SSBP3: variants seen among roughly 807,000 people sequenced by gnomAD.
The protein encoded by SSBP3 is single-stranded DNA-binding protein 3.
Under a neutral mutation model 69.6 loss-of-function variants are expected in SSBP3, and 5 were observed. The ratio of observed to expected loss-of-function variants is 0.07; its 90% CI spans 0.04 to 0.15. The LOEUF (loss-of-function observed/expected upper bound fraction) is 0.15, where lower values mean the gene tolerates loss of function less well. SSBP3 is among the 10% of genes least tolerant of loss of function. The pLI is 1.00. For missense variants in SSBP3, 312 were observed against 534.0 expected (o/e 0.58, Z 4.10); for synonymous variants, 196 against 193.4 (o/e 1.01, Z -0.11).
intron 7 of SSBP3, among the ~76,000 whole-genome samples, chr1:54,254,141 C>T (rs1052136352): frequency 4.6e-5 from 7 of 152,230 alleles, no homozygotes; most frequent in South Asian, 2.1e-4. Flanking sequence ...CATAATTACA[C>T]GCTGTGCACA....
At chr1:54,353,164 G>A (rs1646809756) in intron 4 of SSBP3, among the ~76,000 whole-genome samples, 1 of 152,184 alleles carries the variant, frequency 6.6e-6, no homozygotes, top group African/African-American at 2.4e-5. Context: ...ACTCTCAGAG[G>A]GCCCCAGCCA....
chr1:54,331,233 A>G (rs931358350), intron 4 of SSBP3, among the ~76,000 whole-genome samples: 1 of 152,158 alleles, frequency 6.6e-6, no homozygotes, highest in Non-Finnish European at 1.5e-5. Flanking sequence ...GTCACTCAGT[A>G]TTACAGAAGT....
At chr1:54,377,726 T>C (rs2100706894) in intron 4 of SSBP3, among the ~76,000 whole-genome samples, 1 of 152,264 alleles carries the variant, frequency 6.6e-6, no homozygotes, top group East Asian at 1.9e-4. Flanking sequence ...ATAATATATG[T>C]CAAACAACTT....
chr1:54,340,826 A>C (rs1181029008), intron 4 of SSBP3, among the ~76,000 whole-genome samples: 1 of 152,222 alleles, frequency 6.6e-6, no homozygotes, highest in East Asian at 1.9e-4. Flanking sequence ...TCCTACAAGT[A>C]GGTACAGCCC....
intron 4 of SSBP3, among the ~76,000 whole-genome samples, chr1:54,343,451 G>A (rs528680466): frequency 1.5e-4 from 23 of 152,258 alleles, no homozygotes; most frequent in African/African-American, 4.6e-4. Flanking sequence ...CAAACCACAC[G>A]GTGACTATCA....
At chr1:54,368,522 C>T (rs1227152333) in intron 4 of SSBP3, among the ~76,000 whole-genome samples, 2 of 151,976 alleles carry the variant, frequency 1.3e-5, no homozygotes, top group African/African-American at 2.4e-5. Context: ...CATTACCTGC[C>T]TGAAGCATTT....
chr1:54,349,815 TTCCTC>T (rs763084651), intron 4 of SSBP3, among the ~76,000 whole-genome samples: 5 of 152,216 alleles, frequency 3.3e-5, no homozygotes, highest in Non-Finnish European at 5.9e-5. Flanking sequence ...TCTTTTAACT[TTCCTC>T]TCCTCTCCTC....
chr1:54,241,484 C>G, exon 12 of SSBP3: 1 of 1,614,124 alleles, frequency 6.2e-7, no homozygotes, highest in Non-Finnish European at 8.5e-7. Context: ...CACATAGGTA[C>G]CAGGTGATGA....
At chr1:54,291,708 A>C (rs896907900) in intron 4 of SSBP3, among the ~76,000 whole-genome samples, 1 of 152,194 alleles carries the variant, frequency 6.6e-6, no homozygotes, top group African/African-American at 2.4e-5. Flanking sequence ...GCCTGCTCAG[A>C]GGGTTTAGCA....
chr1:54,330,505 G>A (rs1646390574), intron 4 of SSBP3, among the ~76,000 whole-genome samples: 1 of 152,196 alleles, frequency 6.6e-6, no homozygotes, highest in Non-Finnish European at 1.5e-5. Flanking sequence ...CCACCGCCTA[G>A]CAGTCCCTGG....
rs188780744 is a variant in SSBP3, at chr1:54,391,200, G to T, written c.276+10661C>A. Reference sequence around the variant, plus strand: ...ACATCTGAAACAGCCTTCTCAAAGGGGACCACAACTCACAAAGCATTTTCA... The same window carrying T: ...ACATCTGAAACAGCCTTCTCAAAGGTGACCACAACTCACAAAGCATTTTCA... On this transcript the variant is annotated intron_variant, in intron 4 of 17. Coordinates refer to ENST00000610401, the Ensembl canonical transcript of SSBP3. Among the ~76,000 whole-genome samples the T allele has an allele frequency of 8.5e-5, 13 of 152,240 alleles. No homozygotes were observed. In the East Asian group the frequency reaches 1.7e-3, roughly 20 times the overall value.
At chr1:54,302,264 G>A (rs1377794716) in intron 4 of SSBP3, among the ~76,000 whole-genome samples, 1 of 151,698 alleles carries the variant, frequency 6.6e-6, no homozygotes, top group Non-Finnish European at 1.5e-5. Context: ...GCAAGGCTGT[G>A]CAAAATGTAT....
At chr1:54,294,704 T>G (rs1645673833) in intron 4 of SSBP3, among the ~76,000 whole-genome samples, 1 of 152,080 alleles carries the variant, frequency 6.6e-6, no homozygotes, top group Non-Finnish European at 1.5e-5. Flanking sequence ...CAGCCTCCCT[T>G]CCATCTCCAA....
rs575878594 is a variant in SSBP3, at chr1:54,334,734, G to A, written c.277-53207C>T. ...CAATAACAACATCATCTTTCTCCTT[G>A]CGGACATGATACCTGTGCAGTGAGC... On this transcript the variant is annotated intron_variant, in intron 4 of 17. Transcript: ENST00000610401. Among the ~76,000 whole-genome samples the A allele has an allele frequency of 2.0e-5, 3 of 152,274 alleles. No homozygotes were observed. In the South Asian group the frequency reaches 6.2e-4, roughly 32 times the overall value.
chr1:54,237,849 C>T (rs981123913), intron 14 of SSBP3: 8 of 321,410 alleles, frequency 2.5e-5, no homozygotes, highest in African/African-American at 4.3e-5. Context: ...GGAGTTGCAG[C>T]CTGAGTGATG....
intron 4 of SSBP3, among the ~76,000 whole-genome samples, chr1:54,306,879 A>G (rs1645910339): frequency 6.6e-6 from 1 of 152,222 alleles, no homozygotes; most frequent in Non-Finnish European, 1.5e-5. Flanking sequence ...CACCTGAGGT[A>G]GTGGACAGAG....
At chr1:54,244,909 A>G (rs1570244522) in intron 9 of SSBP3, among the ~76,000 whole-genome samples, 1 of 151,898 alleles carries the variant, frequency 6.6e-6, no homozygotes, top group Admixed American at 6.6e-5. Context: ...GGGTCTGATC[A>G]TGGCCACGTG....
At chr1:54,334,529 C>T (rs1190993559) in intron 4 of SSBP3, among the ~76,000 whole-genome samples, 1 of 152,116 alleles carries the variant, frequency 6.6e-6, no homozygotes, top group African/African-American at 2.4e-5. Flanking sequence ...TGAGTCTGAC[C>T]TGGATTACAG....
At chr1:54,407,191 G>A (rs545450548), upstream of SSBP3, among the ~76,000 whole-genome samples, 308 of 152,260 alleles carry the variant, frequency 2.0e-3, 3 homozygotes, top group East Asian at 0.043. Context: ...CTTGAATTAA[G>A]AGGAGGGAGA....
Sources: gnomAD v4.1 joint callset for allele counts (sites outside exome capture counted in the v4.1 genomes callset) on GRCh38, gnomAD v4.1.1 for gene constraint, MANE v1.5 for transcripts, NCBI Gene and HGNC (gene_info 2026-07-23, HGNC 2026-07-21) for gene names.